Variants in CEP350 observed in about 807,000 individuals in gnomAD.
CEP350 encodes centrosomal protein 350.
CEP350 carries 126 observed loss-of-function variants against 331.8 expected under a neutral mutation model. The ratio of observed to expected loss-of-function variants is 0.38; its 90% CI spans 0.33 to 0.44. The LOEUF is 0.44. CEP350 is among the 20% of genes least tolerant of loss of function. The probability of loss-of-function intolerance (pLI) is 1.00; values close to 1 mark genes in which losing one functional copy is unlikely to be tolerated. For missense variants in CEP350, 3,406 were observed against 3,634.6 expected (o/e 0.94, Z 1.62); for synonymous variants, 1,200 against 1,259.5 (o/e 0.95, Z 1.00).
intron 29 of CEP350, among the ~76,000 whole-genome samples, chr1:180,079,014 G>A (rs1488673323): frequency 3.3e-5 from 5 of 152,148 alleles, no homozygotes; most frequent in Admixed American, 3.3e-4. Flanking sequence ...CCACACCAGA[G>A]TACCTTTACT....
chr1:180,084,166 C>A lies in CEP350; in HGVS notation c.6273C>A (p.Ile2091=). The change falls in exon 31 of 38, where the codon ATC becomes ATA. Residue 2091 remains isoleucine, a synonymous_variant. Coordinates refer to ENST00000367607, the MANE Select transcript of CEP350 (RefSeq NM_014810.5). ...ERLKAQEASL[I]KQLESYDEFI... The stretch of plus-strand genomic sequence containing the variant: ...TGAAAGCCCAAGAAGCCAGTCTGAT[C>A]AAGCAGTTAGAGGTTAGACATAGGA... The A allele has an allele frequency of 6.3e-7, 1 of 1,588,732 alleles. No homozygotes were observed.
chr1:179,977,287 TTTTGGGAACATTTTGAAGGCATAA>T (rs1312182662), intron 1 of CEP350, among the ~76,000 whole-genome samples: 109 of 152,290 alleles, frequency 7.2e-4, no homozygotes, highest in African/African-American at 2.4e-3. Flanking sequence ...TAACAAAGCT[TTTTGGGAACATTTTGAAGGCATAA>T]TTTGTGATCA....
chr1:180,019,438 A>G (rs760030896), intron 11 of CEP350, among the ~76,000 whole-genome samples: 1 of 152,188 alleles, frequency 6.6e-6, no homozygotes, highest in Non-Finnish European at 1.5e-5. Flanking sequence ...CCTATTTAGC[A>G]TGTACATTGT....
rs778270195 is a variant in CEP350 at position 180,098,978 on chromosome 1, A to T, written c.9182A>T (p.His3061Leu). The change falls in exon 37 of 38, where the codon CAT (histidine) becomes CTT (leucine). Residue 3061 changes from histidine to leucine, a missense_variant. Coordinates refer to ENST00000367607, the MANE Select transcript of CEP350 (RefSeq NM_014810.5). ...FGRKKRDRVD[H>L]ILVQELHEEE... Reference sequence around the variant, plus strand: ...AGAAAGAAAAGAGACCGAGTGGATCATATCCTGGTCAGTGTATACAACCAA... The same window carrying T: ...AGAAAGAAAAGAGACCGAGTGGATCTTATCCTGGTCAGTGTATACAACCAA... 6.2e-7 allele frequency: 1 copy of T among 1,613,416 alleles called. No homozygotes were observed. Among genetic ancestry groups the T allele is most frequent in the Non-Finnish European group, 8.5e-7 (1 of 1,179,664 alleles).
intron 9 of CEP350, among the ~76,000 whole-genome samples, chr1:180,012,279 G>A (rs1414017882): frequency 6.6e-6 from 1 of 152,116 alleles, no homozygotes; most frequent in African/African-American, 2.4e-5. Flanking sequence ...ATGAAAAATT[G>A]TTTATGTTGT....
intron 1 of CEP350, among the ~76,000 whole-genome samples, chr1:179,958,000 G>A (rs16855022): frequency 0.14 from 20,786 of 152,136 alleles, 1,500 homozygotes; most frequent in South Asian, 0.16. Context: ...TTGTATAGGG[G>A]CGATATCTCA....
chr1:180,085,199 C>T (rs1235048582), intron 31 of CEP350, among the ~76,000 whole-genome samples: 1 of 151,262 alleles, frequency 6.6e-6, no homozygotes, highest in East Asian at 2.0e-4. Context: ...TAGTACACTT[C>T]TTTGTGCTAT....
At chr1:179,974,236 C>T (rs571626491) in intron 1 of CEP350, among the ~76,000 whole-genome samples, 6 of 152,230 alleles carry the variant, frequency 3.9e-5, no homozygotes, top group Admixed American at 2.6e-4. Context: ...CCTGCCACCA[C>T]GTCTGGCTAA....
intron 18 of CEP350, 58 bp from the exon 19 acceptor site, chr1:180,041,604 A>G (rs983880014): frequency 7.0e-7 from 1 of 1,437,166 alleles, no homozygotes; most frequent in African/African-American, 1.4e-5. Context: ...ATTAAAATTA[A>G]TTCAGGAGGA....
Position 180,006,651 on chromosome 1 carries a change from A to G in CEP350, c.1246+84A>G, listed in dbSNP as rs1013048517. On this transcript the variant is annotated intron_variant, in intron 8 of 37. Coordinates refer to ENST00000367607, the MANE Select transcript of CEP350 (RefSeq NM_014810.5). ...ACTTTAAGTTTTGGGATACATGTGCAGAACGTGCAGGTTTGATACACAGGG... is the reference window on the plus strand; with the variant it reads ...ACTTTAAGTTTTGGGATACATGTGCGGAACGTGCAGGTTTGATACACAGGG... 4 of 734,768 alleles carry G rather than the reference A, an allele frequency of 5.4e-6. No individual in the cohort carries two copies. The African/African-American group carries it at 7.1e-5, about 13-fold the overall frequency. 45.5% of individuals were successfully genotyped at this position (734,768 alleles called of 1,614,324 possible). A position where few individuals can be genotyped will look rare whatever the true frequency, so the allele number is the denominator to read the frequency against.
intron 37 of CEP350, among the ~76,000 whole-genome samples, chr1:180,104,606 T>C (rs1404208434): frequency 2.0e-5 from 3 of 152,190 alleles, no homozygotes; most frequent in Non-Finnish European, 4.4e-5. Flanking sequence ...TTACCACTTA[T>C]TAACATTGTG....
At position 180,037,972 on chromosome 1, in the gene CEP350, T is replaced by C. The variant is rs529100888; in HGVS notation, c.4110+883T>C. Among the ~76,000 whole-genome samples the C allele has an allele frequency of 2.0e-5, 3 of 152,216 alleles. No individual in the cohort carries two copies. The East Asian group carries it at 5.8e-4, about 29-fold the overall frequency. ...CCCAGTTTTGGTGAGTTTTGACCAG[T>C]GTATATACCTATGTAAGAACCACCC... is the stretch of plus-strand genomic sequence containing the variant. On this transcript the variant is annotated intron_variant, in intron 17 of 37. Transcript: ENST00000367607.
intron 17 of CEP350, among the ~76,000 whole-genome samples, chr1:180,039,131 G>C (rs1428640709): frequency 1.3e-5 from 2 of 151,436 alleles, no homozygotes; most frequent in Non-Finnish European, 2.9e-5. Context: ...GGCGTGGTGG[G>C]GGGGTGGGGG....
intron 37 of CEP350, among the ~76,000 whole-genome samples, chr1:180,105,312 CTCT>C (rs1661083197): frequency 6.6e-6 from 1 of 152,118 alleles, no homozygotes; most frequent in East Asian, 1.9e-4. Flanking sequence ...GCCCACGGAC[CTCT>C]TCTTTATTTG....
chr1:180,049,463 A>G (rs1255482338), intron 22 of CEP350, among the ~76,000 whole-genome samples: 2 of 152,180 alleles, frequency 1.3e-5, no homozygotes, highest in Admixed American at 6.5e-5. Context: ...ACTAGCAGAA[A>G]TACAAAAACA....
chr1:180,011,194 G>T (rs558131844), intron 8 of CEP350, among the ~76,000 whole-genome samples: 16 of 152,220 alleles, frequency 1.1e-4, no homozygotes, highest in Non-Finnish European at 2.2e-4. Context: ...ACATAGAAAA[G>T]TAGTGTGTAC....
Position 179,954,830 on chromosome 1 carries a change from G to A in CEP350, c.-326G>A, listed in dbSNP as rs1010866041. 2 of 427,528 alleles carry A rather than the reference G, an allele frequency of 4.7e-6. No homozygotes were observed. The highest frequency in any genetic ancestry group is 4.4e-5 in the Admixed American group (1 of 22,784). 26.5% of individuals were successfully genotyped at this position (427,528 alleles called of 1,614,324 possible). A position where few individuals can be genotyped will look rare whatever the true frequency, so the allele number is the denominator to read the frequency against. On this transcript the variant is annotated 5_prime_UTR_variant, in exon 1 of 38. Coordinates refer to ENST00000367607, the MANE Select transcript of CEP350 (RefSeq NM_014810.5). Reference sequence around the variant, plus strand: ...GTGTCAGTTGTTGGGCTGTAATGGCGACTGGGCCGCCCCTGACGAAGTGAC... The same window carrying A: ...GTGTCAGTTGTTGGGCTGTAATGGCAACTGGGCCGCCCCTGACGAAGTGAC...
chr1:180,017,041 A>T (rs149760629), intron 11 of CEP350, among the ~76,000 whole-genome samples: 49 of 152,274 alleles, frequency 3.2e-4, no homozygotes, highest in African/African-American at 1.1e-3. Context: ...AATGTTTCTT[A>T]GGTTCCAGGC....
intron 37 of CEP350, among the ~76,000 whole-genome samples, chr1:180,105,021 ACTC>A (rs948901272): frequency 2.0e-5 from 3 of 151,546 alleles, no homozygotes; most frequent in African/African-American, 7.3e-5. Flanking sequence ...TTACAATAAA[ACTC>A]CTTTAATATG....
Sources: allele counts gnomAD v4.1 joint callset (sites outside exome capture counted in the v4.1 genomes callset), GRCh38; gene constraint gnomAD v4.1.1; transcripts MANE v1.5; gene names NCBI Gene and HGNC (gene_info 2026-07-23, HGNC 2026-07-21).